Variants in SPATA12 observed in about 807,000 individuals in gnomAD.
SPATA12 encodes the protein spermatogenesis associated 12, also known as spermatogenesis-associated protein 12.
For synonymous variants in SPATA12, 85 were observed against 89.2 expected, an observed-to-expected ratio of 0.95 and a Z score of 0.26; for missense variants, 219 against 226.4, an observed-to-expected ratio of 0.97 and a Z score of 0.21.
intron 1 of SPATA12, among the ~76,000 whole-genome samples, chr3:57,072,217 T>G (rs1362524381): frequency 6.6e-6 from 1 of 152,162 alleles, no homozygotes; most frequent in African/African-American, 2.4e-5. Context: ...TGGCAGTTCC[T>G]CAAAATGTTA....
At chr3:57,065,402 A>G (rs1705472359) in intron 1 of SPATA12, among the ~76,000 whole-genome samples, 1 of 152,076 alleles carries the variant, frequency 6.6e-6, no homozygotes, top group Non-Finnish European at 1.5e-5. Flanking sequence ...CAGAGGTTGC[A>G]GTAAGCTGAG....
intron 1 of SPATA12, among the ~76,000 whole-genome samples, chr3:57,072,808 A>G (rs567856304): frequency 6.6e-6 from 1 of 152,148 alleles, no homozygotes; most frequent in Non-Finnish European, 1.5e-5. Context: ...GCACTTTGGG[A>G]GGCCAAGGCG....
intron 1 of SPATA12, among the ~76,000 whole-genome samples, chr3:57,061,435 T>C (rs987355524): frequency 1.3e-5 from 2 of 152,208 alleles, no homozygotes; most frequent in Admixed American, 1.3e-4. Context: ...AGTGCCAGCA[T>C]TACAGGTGTG....
At chr3:57,065,851 T>C (rs1004004615) in intron 1 of SPATA12, among the ~76,000 whole-genome samples, 2 of 152,146 alleles carry the variant, frequency 1.3e-5, no homozygotes, top group Admixed American at 1.3e-4. Flanking sequence ...CTACGGAGCA[T>C]GCACCAATTT....
At chr3:57,067,489 A>ATAATAATAT (rs1261385365) in intron 1 of SPATA12, among the ~76,000 whole-genome samples, 1 of 144,698 alleles carries the variant, frequency 6.9e-6, no homozygotes, top group Non-Finnish European at 1.5e-5. Flanking sequence ...AATAATAATA[A>ATAATAATAT]TATTTGTCTA....
At chr3:57,073,043 C>G (rs1423706248) in intron 1 of SPATA12, among the ~76,000 whole-genome samples, 1 of 152,038 alleles carries the variant, frequency 6.6e-6, no homozygotes, top group Non-Finnish European at 1.5e-5. Context: ...GAGACTCTGT[C>G]TCAAAATAAA....
chr3:57,068,157 G>GCA (rs1331268015), intron 1 of SPATA12, among the ~76,000 whole-genome samples: 257 of 80,170 alleles, frequency 3.2e-3, no homozygotes, highest in African/African-American at 0.012. Flanking sequence ...AGATATGCGC[G>GCA]CACACACACA....
At chr3:57,063,989 A>G (rs1326787461) in intron 1 of SPATA12, among the ~76,000 whole-genome samples, 1 of 152,274 alleles carries the variant, frequency 6.6e-6, no homozygotes, top group Non-Finnish European at 1.5e-5. Flanking sequence ...ATTCCATGCC[A>G]GCTGTGCTGG....
At chr3:57,066,010 G>A (rs532183945) in intron 1 of SPATA12, among the ~76,000 whole-genome samples, 4 of 151,666 alleles carry the variant, frequency 2.6e-5, no homozygotes, top group African/African-American at 9.7e-5. Flanking sequence ...GAGGCCAGGA[G>A]GGCAACACAG....
intron 1 of SPATA12, among the ~76,000 whole-genome samples, chr3:57,062,849 G>T (rs1416167144): frequency 6.6e-6 from 1 of 152,130 alleles, no homozygotes; most frequent in African/African-American, 2.4e-5. Context: ...TTCTTTACGG[G>T]TTCAACAAAT....
intron 1 of SPATA12, among the ~76,000 whole-genome samples, chr3:57,070,376 CA>C (rs542378791): frequency 2.7e-4 from 41 of 152,234 alleles, no homozygotes; most frequent in Non-Finnish European, 5.1e-4. Context: ...TTACTTTCTT[CA>C]AAAAGGAAAG....
At chr3:57,067,815 T>TA (rs542326960) in intron 1 of SPATA12, among the ~76,000 whole-genome samples, 39,906 of 139,728 alleles carry the variant, frequency 0.29, 5,881 homozygotes, top group East Asian at 0.48. Context: ...CCGTCTCTAC[T>TA]AAAAAAAAAA....
intron 1 of SPATA12, among the ~76,000 whole-genome samples, chr3:57,063,485 C>T (rs973516763): frequency 2.0e-5 from 3 of 152,050 alleles, no homozygotes; most frequent in East Asian, 3.9e-4. Context: ...GTGGTAGGAG[C>T]GGGAGGGGAG....
chr3:57,072,891 C>T (rs1706001694), intron 1 of SPATA12, among the ~76,000 whole-genome samples: 2 of 151,342 alleles, frequency 1.3e-5, no homozygotes, highest in Non-Finnish European at 3.0e-5. Flanking sequence ...CTAAAAAATA[C>T]AAAAATTAGC....
At position 57,074,299 on chromosome 3, in the gene SPATA12, G is replaced by A. The variant is rs1358506944; in HGVS notation, c.*32G>A. ...ATAATCCTGCAACATCTGAGAGTCT[G>A]GCAGCTGTTTGTCTGGGCCTTTGCA... is the stretch of plus-strand genomic sequence containing the variant. On this transcript the variant is annotated 3_prime_UTR_variant, in exon 2 of 2. Transcript: ENST00000334325. The A allele has an allele frequency of 1.3e-6, 2 of 1,578,518 alleles. No homozygotes were observed. Among genetic ancestry groups the A allele is most frequent in the African/African-American group, 1.3e-5 (1 of 74,290 alleles).
intron 1 of SPATA12, among the ~76,000 whole-genome samples, chr3:57,067,868 T>C (rs6445850): frequency 0.87 from 131,705 of 151,234 alleles, 57,402 homozygotes; most frequent in East Asian, 0.96. Context: ...CGGGCTCCTG[T>C]GGTCCCAGCT....
intron 1 of SPATA12, among the ~76,000 whole-genome samples, chr3:57,061,518 T>G (rs1434674852): frequency 1.3e-5 from 2 of 152,226 alleles, no homozygotes; most frequent in African/African-American, 2.4e-5. Context: ...ACATACCACA[T>G]TTTGTTTATC....
chr3:57,063,714 G>A (rs1705366697), intron 1 of SPATA12, among the ~76,000 whole-genome samples: 1 of 152,138 alleles, frequency 6.6e-6, no homozygotes, highest in Admixed American at 6.5e-5. Context: ...CACGCTGCTG[G>A]TAGTCAGGAA....
rs1705176484 is a variant in SPATA12 at position 57,060,719 on chromosome 3, C to G, written c.-397C>G. 6.6e-6 allele frequency: 1 copy of G among 152,242 alleles called. No homozygotes were observed. The highest frequency in any genetic ancestry group is 1.5e-5 in the Non-Finnish European group (1 of 68,094). The allele number at this position is 152,242 out of a possible 1,614,324, so 9.4% of individuals were successfully genotyped here. ...TCACCTTCCCCTCATCTCCCCCACT[C>G]TTCCTGATCCTGCAGCGTCAGATCC... On this transcript the variant is annotated 5_prime_UTR_variant, in exon 1 of 2. Transcript: ENST00000334325.
Sources: allele counts gnomAD v4.1 joint callset (sites outside exome capture counted in the v4.1 genomes callset), GRCh38; gene constraint gnomAD v4.1.1; transcripts MANE v1.5; gene names NCBI Gene and HGNC (gene_info 2026-07-23, HGNC 2026-07-21).